NARS1: variants seen among roughly 807,000 people sequenced by gnomAD.
NARS1 encodes the protein asparagine--tRNA ligase, cytoplasmic.
In NARS1, 65 loss-of-function variants were observed where a neutral mutation model predicts 79.2. The ratio of observed to expected loss-of-function variants is 0.82; its 90% CI spans 0.67 to 1.01. NARS1 has a LOEUF of 1.01. Ranked by LOEUF, NARS1 falls within the 50% of genes least tolerant of loss-of-function variation. The pLI is 0.00. For missense variants in NARS1, 649 were observed against 673.8 expected, an observed-to-expected ratio of 0.96 and a Z score of 0.41; for synonymous variants, 229 against 238.8, an observed-to-expected ratio of 0.96 and a Z score of 0.38.
intron 9 of NARS1, 155 bp downstream of exon 9, chr18:57,606,979 A>T: frequency 1.0e-6 from 1 of 963,098 alleles, no homozygotes; most frequent in Non-Finnish European, 1.5e-6. Flanking sequence ...CTTAGCTACG[A>T]TCTAAGGTGG....
chr18:57,609,405 G>A lies in NARS1; in HGVS notation c.531C>T (p.Ser177=). The part of the protein sequence containing the change: ...CYNGVLLSTE[S]SVAVYGMLNL... Reference sequence around the variant, plus strand: ...TTAGCATTCCATACACTGCAACACTGCTCTCCGTGGACAAGAGAACTCCAT... The same window carrying A: ...TTAGCATTCCATACACTGCAACACTACTCTCCGTGGACAAGAGAACTCCAT... The change falls in exon 7 of 14, where the codon AGC becomes AGT. Residue 177 remains serine, a synonymous_variant. Coordinates refer to ENST00000256854, the MANE Select transcript of NARS1 (RefSeq NM_004539.4). 6.2e-7 allele frequency: 1 copy of A among 1,613,878 alleles called. No individual in the cohort carries two copies. The highest frequency in any genetic ancestry group is 8.5e-7 in the Non-Finnish European group (1 of 1,179,944).
chr18:57,607,183 C>A lies in NARS1; in HGVS notation c.952G>T (p.Ala318Ser), dbSNP rs746924023. The change falls in exon 9 of 14, where the codon GCT becomes TCT. Residue 318 changes from alanine (A) to serine (S), a missense_variant. Physicochemically the swap from Ala to Ser is moderately conservative, Grantham distance 99. Coordinates refer to ENST00000256854, the MANE Select transcript of NARS1 (RefSeq NM_004539.4). The part of the protein sequence containing the change: ...LPALGDVFCI[A>S]QSYRAEQSRT... ...GACTGCTCTGCCCGGTATGACTGAG[C>A]AATACAAAAAACATCTCCCAGGGCT... is the stretch of plus-strand genomic sequence containing the variant. 1.2e-6 allele frequency: 2 copies of A among 1,614,024 alleles called. No individual in the cohort carries two copies. The highest frequency in any genetic ancestry group is 1.1e-5 in the South Asian group (1 of 91,064).
At position 57,605,618 on chromosome 18, in the gene NARS1, A is replaced by AC. The variant is rs1456939156; in HGVS notation, c.1251+238_1251+239insG. Among the ~76,000 whole-genome samples, 166 of 151,542 alleles carry AC rather than the reference A, an allele frequency of 1.1e-3. 3 individuals are homozygous for AC. The highest frequency in any genetic ancestry group is 3.7e-3 in the African/African-American group (155 of 41,402). ...AGAGCGAGACTCCGTCTCAAAAAAAAAAAAAAAAAAGAAAAAAAAAGAAAC... is the reference window on the plus strand; with the variant it reads ...AGAGCGAGACTCCGTCTCAAAAAAAACAAAAAAAAAAGAAAAAAAAAGAAAC... On this transcript the variant is annotated intron_variant, in intron 11 of 13. Transcript: ENST00000256854.
intron 6 of NARS1, among the ~76,000 whole-genome samples, chr18:57,611,112 A>C (rs751689832): frequency 1.7e-4 from 26 of 151,876 alleles, no homozygotes; most frequent in Non-Finnish European, 3.1e-4. Flanking sequence ...GACTACAGAT[A>C]TGCACCACCA....
At chr18:57,616,012 A>C in intron 2 of NARS1, 37 bp from the exon 3 acceptor site, 1 of 1,517,202 alleles carries the variant, frequency 6.6e-7, no homozygotes, top group Non-Finnish European at 8.9e-7. Context: ...GTTCTTGAAC[A>C]TTGTACAATA....
chr18:57,616,593 GAA>G (rs549628259), intron 2 of NARS1, among the ~76,000 whole-genome samples: 117 of 152,280 alleles, frequency 7.7e-4, no homozygotes, highest in Non-Finnish European at 1.2e-3. Flanking sequence ...AAGGACAACA[GAA>G]GAGACACCTG....
intron 13 of NARS1, 97 bp from the exon 14 acceptor site, chr18:57,601,880 C>T: frequency 7.5e-7 from 1 of 1,338,286 alleles, no homozygotes; most frequent in East Asian, 2.3e-5. Flanking sequence ...GGAGTTAGCT[C>T]ACTGTGGTTA....
At chr18:57,609,906 G>T (rs983973959) in intron 6 of NARS1, among the ~76,000 whole-genome samples, 10 of 152,066 alleles carry the variant, frequency 6.6e-5, no homozygotes, top group Admixed American at 2.0e-4. Context: ...AATTGGCTGG[G>T]TGTGGTGGTT....
Position 57,620,431 on chromosome 18 carries a change from T to C in NARS1, c.93+138A>G, listed in dbSNP as rs988023974. 22 of 614,198 alleles carry C rather than the reference T, an allele frequency of 3.6e-5. No individual in the cohort carries two copies. In the South Asian group the frequency reaches 3.9e-4, roughly 11 times the overall value. The allele number at this position is 614,198 out of a possible 1,614,324, so 38.0% of individuals were successfully genotyped here. Reference sequence around the variant, plus strand: ...ACAATCTTAAAGTCACATATCTGTATGCATTCCTTACTTTCCCTTTTCTGA... The same window carrying C: ...ACAATCTTAAAGTCACATATCTGTACGCATTCCTTACTTTCCCTTTTCTGA... On this transcript the variant is annotated intron_variant, in intron 2 of 13. Transcript: ENST00000256854.
At chr18:57,619,139 G>A (rs1908185235) in intron 2 of NARS1, among the ~76,000 whole-genome samples, 1 of 152,010 alleles carries the variant, frequency 6.6e-6, no homozygotes, top group Admixed American at 6.6e-5. Flanking sequence ...TTGTCGTCCA[G>A]GCTGCAGAGC....
intron 9 of NARS1, 59 bp from the exon 10 acceptor site, chr18:57,606,810 C>G: frequency 6.2e-7 from 1 of 1,600,682 alleles, no homozygotes; most frequent in Non-Finnish European, 8.5e-7. Context: ...TTTTATCCAG[C>G]AAGGCTTTTA....
At chr18:57,605,712 C>A in intron 11 of NARS1, 145 bp downstream of exon 11, 1 of 598,496 alleles carries the variant, frequency 1.7e-6, no homozygotes, top group Non-Finnish European at 3.0e-6. Flanking sequence ...CTCAGCGAAT[C>A]TGCAGGCAAC....
At chr18:57,619,512 T>C (rs942152463) in intron 2 of NARS1, among the ~76,000 whole-genome samples, 1 of 151,914 alleles carries the variant, frequency 6.6e-6, no homozygotes, top group Non-Finnish European at 1.5e-5. Flanking sequence ...ATTACAAACG[T>C]GAGGCACCAA....
Position 57,606,957 on chromosome 18 carries a change from GAA to G in NARS1, c.1001+175_1001+176del, listed in dbSNP as rs1050275912. 4.4e-6 allele frequency: 4 copies of G among 913,830 alleles called. No individual in the cohort carries two copies. In the African/African-American group the frequency reaches 5.1e-5, roughly 12 times the overall value. 56.6% of individuals were successfully genotyped at this position (913,830 alleles called of 1,614,324 possible). ...TATATATAAAAGATCAAGTCAAAGT[GAA>G]AAAAGAGAACTTAGCTACGATCTAA... is the stretch of plus-strand genomic sequence containing the variant. On this transcript the variant is annotated intron_variant, in intron 9 of 13. Coordinates refer to ENST00000256854, the MANE Select transcript of NARS1 (RefSeq NM_004539.4).
intron 13 of NARS1, among the ~76,000 whole-genome samples, chr18:57,602,075 G>A (rs1164621098): frequency 6.6e-6 from 1 of 152,224 alleles, no homozygotes; most frequent in East Asian, 1.9e-4. Context: ...ATTTATAAGA[G>A]GAAAATGAAG....
chr18:57,615,241 G>A (rs532056076), intron 4 of NARS1, among the ~76,000 whole-genome samples: 34 of 152,216 alleles, frequency 2.2e-4, no homozygotes, highest in South Asian at 2.1e-4. Flanking sequence ...AGTGGCTCAC[G>A]CCTGTAATCC....
chr18:57,608,221 C>G (rs909606103), intron 7 of NARS1, among the ~76,000 whole-genome samples: 1 of 151,772 alleles, frequency 6.6e-6, no homozygotes, highest in African/African-American at 2.4e-5. Flanking sequence ...CTCACTGAGG[C>G]GGGTGGATAA....
chr18:57,607,393 CA>C (rs771363066), intron 8 of NARS1, 50 bp downstream of exon 8: 9 of 1,611,392 alleles, frequency 5.6e-6, no homozygotes, highest in Non-Finnish European at 7.6e-6. Context: ...ATTCAAGTTT[CA>C]AAACGGCAAA....
At position 57,607,559 on chromosome 18, in the gene NARS1, T is replaced by G; in HGVS notation, c.686A>C (p.Gln229Pro). ...LINEESDVDV[Q>P]LNNRHMMIRG... is the part of the protein sequence containing the mutation. ...GATCATCATGTGTCTGTTGTTGAGCTGGACATCAACGTCAGACTCCTCATT... is the reference window on the plus strand; with the variant it reads ...GATCATCATGTGTCTGTTGTTGAGCGGGACATCAACGTCAGACTCCTCATT... Residue 229 changes from glutamine (Q) to proline (P), a missense_variant, in exon 8 of 14, where the codon CAG (glutamine) becomes CCG (proline). Gln to Pro is a moderately conservative substitution (Grantham distance 76). Coordinates refer to ENST00000256854, the MANE Select transcript of NARS1 (RefSeq NM_004539.4). The G allele has an allele frequency of 1.2e-6, 2 of 1,614,200 alleles. No individual in the cohort carries two copies. The highest frequency in any genetic ancestry group is 1.7e-6 in the Non-Finnish European group (2 of 1,180,036).
Sources: gnomAD v4.1 joint callset for allele counts (sites outside exome capture counted in the v4.1 genomes callset) on GRCh38, gnomAD v4.1.1 for gene constraint, MANE v1.5 for transcripts, NCBI Gene and HGNC (gene_info 2026-07-23, HGNC 2026-07-21) for gene names.